Variants in PTPRG observed in about 807,000 individuals in gnomAD.
The protein encoded by PTPRG is protein tyrosine phosphatase receptor type G.
Under a neutral mutation model 165.3 loss-of-function variants are expected in PTPRG, and 102 were observed. The ratio of observed to expected loss-of-function variants is 0.62; its 90% CI spans 0.53 to 0.73. The LOEUF (loss-of-function observed/expected upper bound fraction) is 0.73. Ranked by LOEUF, PTPRG falls within the 30% of genes least tolerant of loss-of-function variation. PTPRG has a pLI of 0.00. For missense variants in PTPRG, 1,866 were observed against 1,861.4 expected, an observed-to-expected ratio of 1.00 and a Z score of -0.05; for synonymous variants, 675 against 669.5, an observed-to-expected ratio of 1.01 and a Z score of -0.13.
chr3:62,050,999 G>A (rs540280418), intron 4 of PTPRG, among the ~76,000 whole-genome samples: 3 of 152,274 alleles, frequency 2.0e-5, no homozygotes. Flanking sequence ...TCTTCTAAGG[G>A]AAGGAAAAGA....
At chr3:62,168,511 T>C (rs1269790686) in intron 8 of PTPRG, among the ~76,000 whole-genome samples, 11 of 152,218 alleles carry the variant, frequency 7.2e-5, no homozygotes, top group Non-Finnish European at 1.3e-4. Context: ...AGCTCAGACA[T>C]CAGTGAAACG....
chr3:62,062,411 C>G (rs1394325478), intron 4 of PTPRG, among the ~76,000 whole-genome samples: 1 of 152,074 alleles, frequency 6.6e-6, no homozygotes, highest in African/African-American at 2.4e-5. Flanking sequence ...TACAGGTGTT[C>G]ACAGCAAAAT....
chr3:61,599,388 T>G (rs74366902), intron 1 of PTPRG, among the ~76,000 whole-genome samples: 5,797 of 152,318 alleles, frequency 0.038, 136 homozygotes, highest in East Asian at 0.07. Context: ...CATCAAGTGA[T>G]GTACCTGCCT....
chr3:61,802,277 A>G (rs527523183), intron 2 of PTPRG, among the ~76,000 whole-genome samples: 2 of 152,280 alleles, frequency 1.3e-5, no homozygotes, highest in Middle Eastern at 3.4e-3. Context: ...CCAGTTCATG[A>G]TTTGAATAGG....
chr3:62,107,155 T>C (rs1702500578), intron 5 of PTPRG, among the ~76,000 whole-genome samples: 1 of 152,226 alleles, frequency 6.6e-6, no homozygotes, highest in Non-Finnish European at 1.5e-5. Context: ...CTTTTCACAG[T>C]TGGCATCCCT....
chr3:61,700,852 A>T, intron 1 of PTPRG, among the ~76,000 whole-genome samples: 1 of 152,290 alleles, frequency 6.6e-6, no homozygotes. Context: ...CTTTTATACT[A>T]CACAGGAAAT....
At chr3:61,981,413 A>G (rs565340441) in intron 2 of PTPRG, among the ~76,000 whole-genome samples, 15 of 152,340 alleles carry the variant, frequency 9.8e-5, no homozygotes, top group African/African-American at 3.4e-4. Flanking sequence ...TCTCTTGTCA[A>G]GGAGGATGAG....
At chr3:61,589,522 A>G (rs1700515586) in intron 1 of PTPRG, among the ~76,000 whole-genome samples, 2 of 152,216 alleles carry the variant, frequency 1.3e-5, no homozygotes, top group Admixed American at 1.3e-4. Flanking sequence ...CAGTTACACA[A>G]CTGGCCAGTG....
intron 1 of PTPRG, among the ~76,000 whole-genome samples, chr3:61,668,799 G>A (rs552942417): frequency 6.6e-6 from 1 of 152,124 alleles, no homozygotes; most frequent in South Asian, 2.1e-4. Flanking sequence ...TTCAAGAGAT[G>A]GTATTATCTT....
intron 2 of PTPRG, among the ~76,000 whole-genome samples, chr3:61,794,924 G>A (rs1032134288): frequency 6.6e-6 from 1 of 152,150 alleles, no homozygotes. Flanking sequence ...AATATGAGTG[G>A]TTAAAATAAA....
At chr3:62,164,885 T>G (rs966733327) in intron 7 of PTPRG, among the ~76,000 whole-genome samples, 1 of 152,212 alleles carries the variant, frequency 6.6e-6, no homozygotes, top group Non-Finnish European at 1.5e-5. Context: ...GACAGTTTTC[T>G]GAGACAGGCC....
intron 13 of PTPRG, among the ~76,000 whole-genome samples, chr3:62,227,444 G>C (rs1700788241): frequency 6.6e-6 from 1 of 152,176 alleles, no homozygotes; most frequent in South Asian, 2.1e-4. Context: ...TTAATACAAA[G>C]AACACCTTAT....
At chr3:61,622,655 C>G (rs1195092813) in intron 1 of PTPRG, among the ~76,000 whole-genome samples, 10 of 152,092 alleles carry the variant, frequency 6.6e-5, no homozygotes, top group Admixed American at 6.6e-4. Flanking sequence ...ATTGCAAATC[C>G]TTATAACTGA....
At chr3:62,042,630 G>A (rs1452355725) in intron 4 of PTPRG, among the ~76,000 whole-genome samples, 1 of 152,180 alleles carries the variant, frequency 6.6e-6, no homozygotes, top group Middle Eastern at 3.4e-3. Flanking sequence ...ATCCTAGAAG[G>A]CTTCAGGGTC....
chr3:61,678,343 A>G (rs6808337), intron 1 of PTPRG, among the ~76,000 whole-genome samples: 10,690 of 152,296 alleles, frequency 0.07, 403 homozygotes, highest in East Asian at 0.11. Context: ...TCCAGGGAAG[A>G]AATAGTCAAC....
rs536942463 is a variant in PTPRG, at chr3:61,814,667, A to C, written c.190+65685A>C. Among the ~76,000 whole-genome samples the C allele has an allele frequency of 2.6e-5, 4 of 151,992 alleles. No individual in the cohort carries two copies. In the East Asian group the frequency reaches 7.7e-4, roughly 29 times the overall value. On this transcript the variant is annotated intron_variant, in intron 2 of 29. Coordinates refer to ENST00000474889, the MANE Select transcript of PTPRG (RefSeq NM_002841.4). ...AGTGTGCTGCTGCTTTATTTCATGC[A>C]TAAGCAAAAGGAGAAGTAACCTGTA...
intron 1 of PTPRG, among the ~76,000 whole-genome samples, chr3:61,666,912 T>C (rs1486963909): frequency 6.6e-6 from 1 of 152,230 alleles, no homozygotes; most frequent in African/African-American, 2.4e-5. Context: ...TGTAGAACAG[T>C]ACTTGGAGTG....
At chr3:61,702,013 C>A (rs904161022) in intron 1 of PTPRG, among the ~76,000 whole-genome samples, 1 of 152,280 alleles carries the variant, frequency 6.6e-6, no homozygotes, top group South Asian at 2.1e-4. Flanking sequence ...GGGTCTCACT[C>A]TGTTGCCCAG....
chr3:61,767,741 G>A (rs1303112537), intron 2 of PTPRG, among the ~76,000 whole-genome samples: 1 of 152,068 alleles, frequency 6.6e-6, no homozygotes, highest in Non-Finnish European at 1.5e-5. Flanking sequence ...AGCCGAGGTG[G>A]GAGGATCGCT....
Sources: gnomAD v4.1 joint callset for allele counts (sites outside exome capture counted in the v4.1 genomes callset) on GRCh38, gnomAD v4.1.1 for gene constraint, MANE v1.5 for transcripts, NCBI Gene and HGNC (gene_info 2026-07-23, HGNC 2026-07-21) for gene names.